The following ASAP1 variants were observed in gnomAD, a reference collection of about 807,000 sequenced individuals.
ASAP1 encodes the protein ArfGAP with SH3 domain, ankyrin repeat and PH domain 1, also known as arf-GAP with SH3 domain, ANK repeat and PH domain-containing protein 1.
In ASAP1, 43 loss-of-function variants were observed where a neutral mutation model predicts 145.2. The observed-to-expected ratio is 0.30, with a 90% CI of 0.23 to 0.38. The LOEUF is 0.38. Ranked by LOEUF, ASAP1 falls within the 10% of genes least tolerant of loss-of-function variation. ASAP1 has a pLI of 1.00. For synonymous variants in ASAP1, 546 were observed against 515.5 expected, an observed-to-expected ratio of 1.06 and a Z score of -0.80; for missense variants, 1,018 against 1,355.3, an observed-to-expected ratio of 0.75 and a Z score of 3.91.
At chr8:130,373,090 C>A (rs9693386) in intron 2 of ASAP1, among the ~76,000 whole-genome samples, 17 of 137,794 alleles carry the variant, frequency 1.2e-4, no homozygotes, top group South Asian at 4.8e-4. Flanking sequence ...AGACACCCCC[C>A]CACACACACA....
intron 24 of ASAP1, among the ~76,000 whole-genome samples, chr8:130,100,220 G>C (rs1411988553): frequency 6.6e-6 from 1 of 152,180 alleles, no homozygotes; most frequent in Admixed American, 6.5e-5. Flanking sequence ...ACTGGAAATA[G>C]ATAATATCTC....
intron 14 of ASAP1, among the ~76,000 whole-genome samples, chr8:130,134,968 G>T (rs1205437182): frequency 2.6e-5 from 4 of 152,178 alleles, no homozygotes. Context: ...CTGCTCTCTG[G>T]CTGAATCAGG....
At chr8:130,381,204 T>C (rs1265298667) in intron 2 of ASAP1, among the ~76,000 whole-genome samples, 1 of 151,986 alleles carries the variant, frequency 6.6e-6, no homozygotes, top group Non-Finnish European at 1.5e-5. Context: ...TTTTTAAATA[T>C]CTTTTGTAGA....
intron 15 of ASAP1, 51 bp from the exon 16 acceptor site, chr8:130,128,141 T>TAA: frequency 8.3e-6 from 1 of 120,634 alleles, no homozygotes; most frequent in Non-Finnish European, 1.3e-5. Flanking sequence ...GCATGGTCAT[T>TAA]TTTTTTTTTT....
In ASAP1 at chr8:130,167,560, G is replaced by A. The variant is rs2097682491; in HGVS notation, c.885C>T (p.Ser295=). 5 of 1,613,546 alleles carry A rather than the reference G, an allele frequency of 3.1e-6. No individual in the cohort carries two copies. Among genetic ancestry groups the A allele is most frequent in the Non-Finnish European group, 4.2e-6 (5 of 1,179,734 alleles). ...CTTCTTTCTGATCCAGTTGAAGAGA[G>A]GATTTTATTAAGTCTCGGAGTGCAG... ...QLTALRDLIK[S]SLQLDQKEDS... is the part of the protein sequence containing the mutation. Residue 295 remains serine, a synonymous_variant, in exon 11 of 30, where the codon TCC becomes TCT. Transcript: ENST00000518721.
chr8:130,442,247 T>C (rs1004825069), intron 1 of ASAP1, among the ~76,000 whole-genome samples: 2 of 152,164 alleles, frequency 1.3e-5, no homozygotes, highest in African/African-American at 4.8e-5. Flanking sequence ...GATCAAAATC[T>C]AACACAGAAG....
At chr8:130,074,421 C>T (rs368062430) in intron 27 of ASAP1, among the ~76,000 whole-genome samples, 6 of 146,256 alleles carry the variant, frequency 4.1e-5, no homozygotes, top group Non-Finnish European at 9.0e-5. Flanking sequence ...ATGTTTATTA[C>T]GGAAAATTCC....
At chr8:130,154,653 C>T (rs1452538030) in intron 12 of ASAP1, among the ~76,000 whole-genome samples, 1 of 152,142 alleles carries the variant, frequency 6.6e-6, no homozygotes, top group East Asian at 1.9e-4. Flanking sequence ...AAGAAAGCTG[C>T]CACAACACAA....
intron 3 of ASAP1, among the ~76,000 whole-genome samples, chr8:130,290,717 G>C (rs1311764467): frequency 6.6e-6 from 1 of 152,158 alleles, no homozygotes; most frequent in African/African-American, 2.4e-5. Context: ...TTTATCTGTG[G>C]ACTATTTCCT....
intron 1 of ASAP1, among the ~76,000 whole-genome samples, chr8:130,436,706 G>A (rs1830324609): frequency 6.6e-6 from 1 of 152,158 alleles, no homozygotes; most frequent in Admixed American, 6.5e-5. Flanking sequence ...GGAGGCTGAG[G>A]CAGGAAGATC....
At chr8:130,419,726 T>C (rs943818934) in intron 1 of ASAP1, among the ~76,000 whole-genome samples, 3 of 152,082 alleles carry the variant, frequency 2.0e-5, no homozygotes, top group African/African-American at 7.2e-5. Context: ...AGAGGGAGGC[T>C]GAGGCATCCG....
intron 1 of ASAP1, among the ~76,000 whole-genome samples, chr8:130,423,177 C>T (rs1829789185): frequency 6.6e-6 from 1 of 152,156 alleles, no homozygotes; most frequent in Non-Finnish European, 1.5e-5. Context: ...AATCTCGGCT[C>T]ACTGCAACCT....
intron 3 of ASAP1, among the ~76,000 whole-genome samples, chr8:130,300,383 C>T (rs1822590551): frequency 6.6e-6 from 1 of 152,188 alleles, no homozygotes; most frequent in Non-Finnish European, 1.5e-5. Flanking sequence ...TATTTTTACA[C>T]TACTGCTGTT....
At chr8:130,411,640 T>C (rs1829270028) in intron 1 of ASAP1, among the ~76,000 whole-genome samples, 1 of 152,184 alleles carries the variant, frequency 6.6e-6, no homozygotes, top group Admixed American at 6.5e-5. Context: ...AACAGAGTGT[T>C]GTTAGGAGGA....
At chr8:130,121,756 C>T (rs1195035247) in intron 18 of ASAP1, among the ~76,000 whole-genome samples, 2 of 121,838 alleles carry the variant, frequency 1.6e-5, no homozygotes, top group Non-Finnish European at 3.2e-5. Flanking sequence ...TGCACTCCAG[C>T]CTAGGCTATG....
intron 5 of ASAP1, among the ~76,000 whole-genome samples, chr8:130,209,550 T>TAAA (rs145484434): frequency 1.2e-4 from 16 of 138,778 alleles, no homozygotes; most frequent in Non-Finnish European, 1.4e-4. Flanking sequence ...GCTCTTACAG[T>TAAA]AAAAAAAAAA....
intron 13 of ASAP1, among the ~76,000 whole-genome samples, chr8:130,137,739 A>G (rs1413019875): frequency 6.6e-6 from 1 of 152,202 alleles, no homozygotes; most frequent in Non-Finnish European, 1.5e-5. Context: ...CTTATCAGCA[A>G]ATCTCTTGGT....
At chr8:130,106,254 T>C (rs572057399) in intron 24 of ASAP1, among the ~76,000 whole-genome samples, 1 of 152,300 alleles carries the variant, frequency 6.6e-6, no homozygotes, top group South Asian at 2.1e-4. Context: ...TGAGAAGCTT[T>C]AATATCAAGC....
chr8:130,364,598 C>T (rs888592684), intron 2 of ASAP1, among the ~76,000 whole-genome samples: 1 of 152,102 alleles, frequency 6.6e-6, no homozygotes, highest in African/African-American at 2.4e-5. Flanking sequence ...GGTATATGTG[C>T]GTGTGTTTTC....
Sources: gnomAD v4.1 joint callset for allele counts (sites outside exome capture counted in the v4.1 genomes callset) on GRCh38, gnomAD v4.1.1 for gene constraint, MANE v1.5 for transcripts, NCBI Gene and HGNC (gene_info 2026-07-23, HGNC 2026-07-21) for gene names.